The following CSF2RA variants were observed in gnomAD, a reference collection of about 807,000 sequenced individuals.
CSF2RA encodes the protein colony stimulating factor 2 receptor subunit alpha, also known as granulocyte-macrophage colony-stimulating factor receptor subunit alpha.
CSF2RA carries 42 observed loss-of-function variants against 51.6 expected under a neutral mutation model. The observed-to-expected ratio is 0.81, with a 90% CI of 0.64 to 1.05. The LOEUF (loss-of-function observed/expected upper bound fraction) is 1.05. Ranked by LOEUF, CSF2RA falls within the 50% of genes least tolerant of loss-of-function variation. The pLI, the probability that CSF2RA is intolerant of heterozygous loss-of-function variation, is 0.00. For missense variants in CSF2RA, 530 were observed against 501.1 expected, an observed-to-expected ratio of 1.06 and a Z score of -0.55; for synonymous variants, 222 against 193.0, an observed-to-expected ratio of 1.15 and a Z score of -1.24.
chrX:1,277,543 T>TG (rs1276698468), intron 2 of CSF2RA, among the ~76,000 whole-genome samples: 1 of 109,414 alleles, frequency 9.1e-6, no homozygotes, highest in Non-Finnish European at 1.7e-5. Flanking sequence ...TTGCAGTGAG[T>TG]GGAGATCATG....
intron 11 of CSF2RA, among the ~76,000 whole-genome samples, chrX:1,305,209 G>T (rs1185964849): frequency 1.3e-5 from 2 of 148,400 alleles, no homozygotes; most frequent in Admixed American, 1.4e-4. Flanking sequence ...GGCCAGGCTG[G>T]TCTCAAACCT....
chrX:1,269,494 G>T (rs375366428), intron 1 of CSF2RA, among the ~76,000 whole-genome samples: 20 of 151,910 alleles, frequency 1.3e-4, no homozygotes, highest in African/African-American at 4.8e-4. Context: ...GTGGTGGCAG[G>T]CACCTGTAAT....
chrX:1,320,800 T>C, the CSF2RA span, among the ~76,000 whole-genome samples: 3 of 149,330 alleles, frequency 2.0e-5, no homozygotes, highest in Non-Finnish European at 3.0e-5. Context: ...CATGAGCCAC[T>C]GCACCCAGCC....
At chrX:1,277,593 C>CAAAAAAA (rs749833246) in intron 2 of CSF2RA, among the ~76,000 whole-genome samples, 3 of 70,442 alleles carry the variant, frequency 4.3e-5, no homozygotes, top group African/African-American at 6.2e-5. Flanking sequence ...AAGTCCATCT[C>CAAAAAAA]AAAAAAAAAA....
chrX:1,304,090 C>T, intron 11 of CSF2RA, 71 bp downstream of exon 11: 1 of 1,225,808 alleles, frequency 8.2e-7, no homozygotes, highest in Non-Finnish European at 1.2e-6. Flanking sequence ...TTTGTCCAGT[C>T]TCTGTCTCTG....
In CSF2RA at chrX:1,277,254, G is replaced by A. The variant is rs1300533960; in HGVS notation, c.-27+2436G>A. Among the ~76,000 whole-genome samples the A allele has an allele frequency of 4.6e-5, 7 of 152,004 alleles. No individual in the cohort carries two copies. The South Asian group carries it at 1.2e-3, about 27-fold the overall frequency. On this transcript the variant is annotated intron_variant, in intron 2 of 12. Coordinates refer to ENST00000381529, the MANE Select transcript of CSF2RA (RefSeq NM_172245.4). ...CGAAGGGTGCTTGTGTTACAGGAAA[G>A]GGGTTCGGATCCAGCCCCCAAGAGG...
chrX:1,324,851 C>T, the CSF2RA span, among the ~76,000 whole-genome samples: 8 of 151,992 alleles, frequency 5.3e-5, no homozygotes, highest in Non-Finnish European at 4.4e-5. Flanking sequence ...ACTCTGAGGA[C>T]CCCTGAGGGA....
Position 1,298,587 on chromosome X carries a change from CTGGTGGAA to C in CSF2RA, c.811-1903_811-1896del, listed in dbSNP as rs2092144552. Among the ~76,000 whole-genome samples the C allele has an allele frequency of 4.3e-5, 3 of 69,120 alleles. No individual in the cohort carries two copies. The East Asian group carries it at 1.4e-3, about 31-fold the overall frequency. 45.3% of individuals were successfully genotyped at this position (69,120 alleles called of 152,430 possible). On this transcript the variant is annotated intron_variant, in intron 9 of 12. Coordinates refer to ENST00000381529, the MANE Select transcript of CSF2RA (RefSeq NM_172245.4). ...CCCTACAGTCCCCTACCCATGACCTCTGGTGGAACCCTACAGTCCCCTACTCACGACCC... is the reference window on the plus strand; with the variant it reads ...CCCTACAGTCCCCTACCCATGACCTCCCCTACAGTCCCCTACTCACGACCC...
At chrX:1,316,008 A>T in the CSF2RA span, among the ~76,000 whole-genome samples, 1 of 124,680 alleles carries the variant, frequency 8.0e-6, no homozygotes, top group African/African-American at 3.0e-5. Flanking sequence ...AGACAGATAG[A>T]TAGATATATA....
At chrX:1,301,942 G>T (rs1166650964) in intron 10 of CSF2RA, among the ~76,000 whole-genome samples, 2 of 120,262 alleles carry the variant, frequency 1.7e-5, no homozygotes, top group African/African-American at 3.3e-5. Flanking sequence ...TTTAGATGGC[G>T]TTTCGCTCTT....
chrX:1,303,089 G>A (rs1464915380), intron 10 of CSF2RA, among the ~76,000 whole-genome samples: 7 of 124,550 alleles, frequency 5.6e-5, no homozygotes, highest in South Asian at 2.7e-4. Flanking sequence ...ATGGAGTTTC[G>A]CTGTGTCACC....
downstream of CSF2RA, among the ~76,000 whole-genome samples, chrX:1,314,964 C>T (rs1157187725): frequency 1.1e-4 from 7 of 64,234 alleles, no homozygotes; most frequent in Admixed American, 2.8e-4. Context: ...CCTGCCCAAC[C>T]CCACTGTGCC....
intron 2 of CSF2RA, chrX:1,282,098 G>A (rs1894759702): frequency 6.7e-6 from 1 of 148,842 alleles, no homozygotes; most frequent in African/African-American, 2.5e-5. Flanking sequence ...CCAGCTACTT[G>A]GGAAGCTGAG....
In CSF2RA at chrX:1,283,997, G is replaced by A. The variant is rs188864526; in HGVS notation, c.76+1218G>A. On this transcript the variant is annotated intron_variant, in intron 3 of 12. Transcript: ENST00000381529. ...GTGTCAGGGCCTCTGCTTCAGGAAA[G>A]TATTTCCAGGTTTTTGTGACCTGGT... Among the ~76,000 whole-genome samples, 10 of 151,236 alleles carry A rather than the reference G, an allele frequency of 6.6e-5. No homozygotes were observed. The East Asian group carries it at 1.7e-3, about 26-fold the overall frequency.
chrX:1,287,212 G>C (rs1270961725), intron 4 of CSF2RA: 2 of 144,062 alleles, frequency 1.4e-5, no homozygotes, highest in African/African-American at 2.6e-5. Context: ...GGAGTACACT[G>C]GTGTGATCTT....
chrX:1,290,285 GTGTTT>G, intron 6 of CSF2RA, 47 bp from the exon 7 acceptor site: 2 of 1,408,998 alleles, frequency 1.4e-6, no homozygotes, highest in Non-Finnish European at 2.0e-6. Flanking sequence ...TTGTGTTTTT[GTGTTT>G]TGTTTTGTTT....
In CSF2RA at chrX:1,287,664, G is replaced by A. The variant is rs771451897; in HGVS notation, c.220-855G>A. On this transcript the variant is annotated intron_variant, in intron 4 of 12. Transcript: ENST00000381529. ...TCACCATGTTGGCCAGGCTGATCTT[G>A]AACTCCTGACCTCAAGTGATCCACC... Among the ~76,000 whole-genome samples the A allele has an allele frequency of 5.2e-3, 677 of 130,432 alleles. 20 individuals carry two copies. Among genetic ancestry groups the A allele is most frequent in the South Asian group, 0.02 (79 of 3,980 alleles). The allele number at this position is 130,432 out of a possible 152,430, so 85.6% of individuals were successfully genotyped here.
intron 1 of CSF2RA, among the ~76,000 whole-genome samples, chrX:1,273,151 T>C (rs28818844): frequency 0.39 from 59,883 of 151,700 alleles, 14,788 homozygotes; most frequent in Non-Finnish European, 0.56. Flanking sequence ...CAAATTCCTA[T>C]CTAAGAGGTC....
chrX:1,272,048 G>A (rs1198604269), intron 1 of CSF2RA, among the ~76,000 whole-genome samples: 1 of 150,788 alleles, frequency 6.6e-6, no homozygotes, highest in African/African-American at 2.4e-5. Flanking sequence ...CCACCTTCCA[G>A]GTTCAACTGA....
Sources: gnomAD v4.1 joint callset for allele counts (sites outside exome capture counted in the v4.1 genomes callset) on GRCh38, gnomAD v4.1.1 for gene constraint, MANE v1.5 for transcripts, NCBI Gene and HGNC (gene_info 2026-07-23, HGNC 2026-07-21) for gene names.